Variants in NIPBL observed in about 807,000 individuals in gnomAD.
NIPBL encodes the protein NIPBL cohesin loading factor.
Under a neutral mutation model 321.8 loss-of-function variants are expected in NIPBL, and 19 were observed. That is an observed-to-expected ratio of 0.06 (90% CI 0.04 to 0.09). The LOEUF is 0.09. NIPBL is among the 10% of genes least tolerant of loss of function. The pLI is 1.00. For missense variants in NIPBL, 2,210 were observed against 3,327.0 expected, an observed-to-expected ratio of 0.66 and a Z score of 8.26; for synonymous variants, 1,106 against 1,114.1, an observed-to-expected ratio of 0.99 and a Z score of 0.14.
chr5:37,042,874 T>TGAAA (rs1179535744), intron 34 of NIPBL, among the ~76,000 whole-genome samples: 2 of 148,402 alleles, frequency 1.3e-5, no homozygotes, highest in East Asian at 3.9e-4. Context: ...AAACATGCAT[T>TGAAA]GAAAGCCTTA....
At chr5:36,984,035 A>G (rs1271188302) in intron 9 of NIPBL, among the ~76,000 whole-genome samples, 1 of 151,246 alleles carries the variant, frequency 6.6e-6, no homozygotes, top group Admixed American at 6.6e-5. Context: ...TCTATCTAAC[A>G]TTGTGGTTAA....
At chr5:36,984,587 C>T in intron 9 of NIPBL, 89 bp from the exon 10 acceptor site, 1 of 1,220,802 alleles carries the variant, frequency 8.2e-7, no homozygotes, top group South Asian at 1.5e-5. Flanking sequence ...AAAACATAAC[C>T]TTAAAAAGAT....
chr5:37,007,925 A>G (rs1010316263), intron 18 of NIPBL, 83 bp from the exon 19 acceptor site: 8 of 848,626 alleles, frequency 9.4e-6, no homozygotes, highest in Admixed American at 9.2e-5. Context: ...CAGTAAGCTT[A>G]TGAATGTATT....
intron 15 of NIPBL, 26 bp from the exon 16 acceptor site, chr5:37,003,235 A>G (rs773465619): frequency 7.8e-7 from 1 of 1,289,980 alleles, no homozygotes; most frequent in Non-Finnish European, 1.1e-6. Context: ...CCAACGATTG[A>G]TAAAGAATTT....
intron 30 of NIPBL, 114 bp downstream of exon 30, chr5:37,024,833 A>G (rs1327757759): frequency 2.4e-6 from 2 of 820,218 alleles, no homozygotes; most frequent in East Asian, 2.8e-5. Flanking sequence ...TGAATCGTTT[A>G]TAGTTTATAA....
chr5:37,015,552 A>T (rs937344424), intron 22 of NIPBL, among the ~76,000 whole-genome samples: 5 of 152,116 alleles, frequency 3.3e-5, no homozygotes, highest in African/African-American at 9.6e-5. Context: ...CAGCGTGGTG[A>T]AACCCTGTCT....
chr5:37,041,547 G>C lies in NIPBL; in HGVS notation c.6109-2800G>C, dbSNP rs1184429263. On this transcript the variant is annotated intron_variant, in intron 34 of 46. Coordinates refer to ENST00000282516, the MANE Select transcript of NIPBL (RefSeq NM_133433.4). ...CCCAAAGTACTGGGATTACAGGCAT[G>C]AGCCACTGTGCCCGGCCTATTTCTT... Among the ~76,000 whole-genome samples, 6 of 151,640 alleles carry C rather than the reference G, an allele frequency of 4.0e-5. No homozygotes were observed. In the East Asian group the frequency reaches 1.2e-3, roughly 29 times the overall value.
chr5:37,040,920 A>G (rs1213846381), intron 34 of NIPBL, among the ~76,000 whole-genome samples: 1 of 152,168 alleles, frequency 6.6e-6, no homozygotes, highest in East Asian at 1.9e-4. Context: ...GACTGCAAAG[A>G]AGGTTGAGCA....
At chr5:37,015,834 A>G (rs1054266697) in intron 22 of NIPBL, among the ~76,000 whole-genome samples, 1 of 152,226 alleles carries the variant, frequency 6.6e-6, no homozygotes, top group African/African-American at 2.4e-5. Flanking sequence ...TGCTTAATAA[A>G]TGAATTCCCT....
In NIPBL at chr5:36,976,141, C is replaced by T. The variant is rs571300383; in HGVS notation, c.1234C>T (p.Arg412Cys). The part of the protein sequence containing the change: ...KTPITPQDIN[R>C]PLNAAQCLSQ... ...ACCCATTACTCCACAAGATATAAAC[C>T]GCCCACTAAATGCTGCTCAATGTTT... is the stretch of plus-strand genomic sequence containing the variant. Residue 412 changes from arginine to cysteine, a missense_variant, in exon 9 of 47, where the codon CGC (arginine) becomes TGC (cysteine). Arg to Cys is a radical substitution (Grantham distance 180, BLOSUM62 -3). Around this residue, in one of 14 missense-constraint regions of NIPBL, gnomAD observed 464 missense variants for 529.5 expected, o/e 0.88. Coordinates refer to ENST00000282516, the MANE Select transcript of NIPBL (RefSeq NM_133433.4). 8.1e-6 allele frequency: 13 copies of T among 1,613,570 alleles called. No homozygotes were observed. The highest frequency in any genetic ancestry group is 2.2e-5 in the East Asian group (1 of 44,864).
chr5:36,896,791 G>A (rs575372051), intron 1 of NIPBL, among the ~76,000 whole-genome samples: 8 of 151,948 alleles, frequency 5.3e-5, no homozygotes, highest in African/African-American at 9.7e-5. Flanking sequence ...GAGAAGGTGC[G>A]GTTTCGCCAT....
At chr5:37,024,480 A>C in intron 29 of NIPBL, 105 bp from the exon 30 acceptor site, 3 of 886,522 alleles carry the variant, frequency 3.4e-6, no homozygotes, top group East Asian at 2.5e-5. Context: ...TGTGTTTATC[A>C]TGTTAACAAA....
At chr5:37,045,229 C>G (rs1752849722) in intron 36 of NIPBL, among the ~76,000 whole-genome samples, 1 of 151,982 alleles carries the variant, frequency 6.6e-6, no homozygotes, top group Non-Finnish European at 1.5e-5. Flanking sequence ...TGGCACACGA[C>G]TGTAATCCCA....
intron 1 of NIPBL, among the ~76,000 whole-genome samples, chr5:36,940,878 ATGT>A (rs1329445833): frequency 6.6e-6 from 1 of 152,162 alleles, no homozygotes; most frequent in Non-Finnish European, 1.5e-5. Context: ...GTATCATCAA[ATGT>A]TGTTGTTACT....
intron 21 of NIPBL, among the ~76,000 whole-genome samples, chr5:37,013,155 T>C (rs1748404604): frequency 6.9e-6 from 1 of 144,560 alleles, no homozygotes; most frequent in Admixed American, 6.8e-5. Flanking sequence ...ACGGGGCGGC[T>C]GGCCAGGCGG....
intron 40 of NIPBL, among the ~76,000 whole-genome samples, chr5:37,050,434 C>T (rs536984199): frequency 4.2e-4 from 63 of 148,928 alleles, no homozygotes; most frequent in Non-Finnish European, 7.2e-4. Flanking sequence ...GAGCTGAGAC[C>T]GTGCCATTGC....
rs1485819304 is a variant in NIPBL at position 36,984,893 on chromosome 5, A to G, written c.1713A>G (p.Lys571=). Residue 571 remains lysine, a synonymous_variant, in exon 10 of 47, where the codon AAA becomes AAG. Transcript: ENST00000282516. ...SDSIKKPEEI[K]QCNDAPVSVL... The stretch of plus-strand genomic sequence containing the variant: ...CCATAAAAAAGCCTGAAGAAATCAA[A>G]CAATGTAATGATGCACCTGTTTCTG... 1 of 1,613,880 alleles carries G rather than the reference A, an allele frequency of 6.2e-7. No individual in the cohort carries two copies. The highest frequency in any genetic ancestry group is 2.2e-5 in the East Asian group (1 of 44,864).
At chr5:36,904,285 G>A (rs557310588) in intron 1 of NIPBL, among the ~76,000 whole-genome samples, 3 of 152,290 alleles carry the variant, frequency 2.0e-5, no homozygotes, top group Non-Finnish European at 2.9e-5. Flanking sequence ...CCTGGCCAAC[G>A]TGGTGAAACC....
At chr5:36,942,734 C>CA (rs34936238) in intron 1 of NIPBL, among the ~76,000 whole-genome samples, 10,244 of 94,242 alleles carry the variant, frequency 0.11, 399 homozygotes, top group African/African-American at 0.16. Flanking sequence ...GACTCTGTCT[C>CA]AAAAAAAAAA....
Sources: allele counts gnomAD v4.1 joint callset (sites outside exome capture counted in the v4.1 genomes callset), GRCh38; gene constraint gnomAD v4.1.1; regional missense constraint gnomAD v4.1.1; transcripts MANE v1.5; gene names NCBI Gene and HGNC (gene_info 2026-07-23, HGNC 2026-07-21).